The following IER5L variants were observed in gnomAD, a reference collection of about 807,000 sequenced individuals.
The protein encoded by IER5L is immediate early response gene 5-like protein.
A neutral mutation model predicts 28.3 loss-of-function variants in IER5L; 6 were observed. The observed-to-expected ratio is 0.21, with a 90% confidence interval of 0.12 to 0.42. The LOEUF (loss-of-function observed/expected upper bound fraction) is 0.42. Among genes scored for constraint, IER5L ranks in the 10% least tolerant of loss-of-function variants. The probability of loss-of-function intolerance (pLI) is 1.00; values close to 1 mark genes in which losing one functional copy is unlikely to be tolerated. For missense variants in IER5L, 607 were observed against 575.2 expected (o/e 1.06, Z -0.56); for synonymous variants, 351 against 282.5 (o/e 1.24, Z -2.43).
chr9:129,177,855 C>CTGCTGCTGT lies in IER5L; in HGVS notation c.189_197dup (p.Gln64_Gln66dup), dbSNP rs1829438801. On this transcript the variant is annotated inframe_insertion, in exon 1 of 1. Coordinates refer to ENST00000372491, the MANE Select transcript of IER5L (RefSeq NM_203434.3). ...GGTGCTGGTGCTGGTGGTGGGGCGGCTGCTGCTGTTGCTGCTGCTGCTGGC... is the reference window on the plus strand; with the variant it reads ...GGTGCTGGTGCTGGTGGTGGGGCGGCTGCTGCTGTTGCTGCTGTTGCTGCTGCTGCTGGC... 5 of 1,540,538 alleles carry CTGCTGCTGT rather than the reference C, an allele frequency of 3.2e-6. No individual in the cohort carries two copies. The highest frequency in any genetic ancestry group is 5.0e-5 in the East Asian group (2 of 39,644).
At position 129,178,174 on chromosome 9, in the gene IER5L, G is replaced by T; in HGVS notation, c.-122C>A. The T allele has an allele frequency of 1.2e-6, 1 of 821,528 alleles. No individual in the cohort carries two copies. The highest frequency in any genetic ancestry group is 1.7e-6 in the Non-Finnish European group (1 of 599,382). 50.9% of individuals were successfully genotyped at this position (821,528 alleles called of 1,614,324 possible). A position where few individuals can be genotyped will look rare whatever the true frequency, so the allele number is the denominator to read the frequency against. The stretch of plus-strand genomic sequence containing the variant: ...AGGGGTAACGGAGTCCGGGTCAGAG[G>T]TTCGGCTGCGCTCCGAAAGGAGCCG... On this transcript the variant is annotated 5_prime_UTR_variant, in exon 1 of 1. Coordinates refer to ENST00000372491, the MANE Select transcript of IER5L (RefSeq NM_203434.3).
At position 129,177,543 on chromosome 9, in the gene IER5L, G is replaced by C. The variant is rs1829431486; in HGVS notation, c.510C>G (p.His170Gln). 1.0e-6 allele frequency: 1 copy of C among 982,402 alleles called. No individual in the cohort carries two copies. The highest frequency in any genetic ancestry group is 1.2e-6 in the Non-Finnish European group (1 of 829,358). 60.9% of individuals were successfully genotyped at this position (982,402 alleles called of 1,614,324 possible). Residue 170 changes from histidine (H) to glutamine (Q), a missense_variant, in exon 1 of 1, where the codon CAC becomes CAG. Physicochemically the swap from His to Gln is conservative, Grantham distance 24. Transcript: ENST00000372491. ...GCAGAGGCTCCAAGGGCTGCCCGCG[G>C]TGGGGCGCGCCGTGCGGCGGCTGGA... ...AALQPPHGAP[H>Q]RGQPLEPLQP...
chr9:129,177,988 C>A lies in IER5L; in HGVS notation c.65G>T (p.Arg22Leu). The change falls in exon 1 of 1, where the codon CGA becomes CTA. Residue 22 changes from arginine to leucine, a missense_variant. Transcript: ENST00000372491. ...CAGCTTGATGCCGCCGCGCTGGGTT[C>A]GGGAGCTGTGGATCTTGCGCAGGGA... is the stretch of plus-strand genomic sequence containing the variant. ...SISLRKIHSS[R>L]TQRGGIKLHK... is the part of the protein sequence containing the mutation. 6.3e-7 allele frequency: 1 copy of A among 1,576,586 alleles called. No individual in the cohort carries two copies. The highest frequency in any genetic ancestry group is 8.6e-7 in the Non-Finnish European group (1 of 1,163,836).
rs1406445707 is a variant in IER5L at position 129,177,505 on chromosome 9, G to A, written c.548C>T (p.Ala183Val). Residue 183 changes from alanine (A) to valine (V), a missense_variant, in exon 1 of 1, where the codon GCG (alanine) becomes GTG (valine). Physicochemically the swap from Ala to Val is moderately conservative, Grantham distance 64 (BLOSUM62 0). Transcript: ENST00000372491. Reference protein sequence around the residue: ...QPLEPLQPGPAPLPLPLPPPA... With the variant: ...QPLEPLQPGPVPLPLPLPPPA... ...CGGCGGCAGCGGCAGCGGCAGCGGC[G>A]CAGGACCCGGCTGCAGAGGCTCCAA... 2 of 987,698 alleles carry A rather than the reference G, an allele frequency of 2.0e-6. No homozygotes were observed. The highest frequency in any genetic ancestry group is 1.1e-4 in the East Asian group (1 of 9,096). 61.2% of individuals were successfully genotyped at this position (987,698 alleles called of 1,614,324 possible). A position where few individuals can be genotyped will look rare whatever the true frequency, so the allele number is the denominator to read the frequency against.
Position 129,177,080 on chromosome 9 carries a change from G to T in IER5L, c.973C>A (p.Pro325Thr), listed in dbSNP as rs768868710. 1.7e-5 allele frequency: 25 copies of T among 1,475,770 alleles called. No homozygotes were observed. In the East Asian group the frequency reaches 6.8e-4, roughly 40 times the overall value. 91.4% of individuals were successfully genotyped at this position (1,475,770 alleles called of 1,614,324 possible). ...EEDAGGLGAE[P>T]PGGAPFAPCK... ...GGGGCGAACGGGGCGCCCCCGGGGG[G>T]CTCGGCCCCCAGCCCGCCCGCATCC... The change falls in exon 1 of 1, where the codon CCC becomes ACC. Residue 325 changes from proline (P) to threonine (T), a missense_variant. Physicochemically the swap from Pro to Thr is conservative, Grantham distance 38 (BLOSUM62 -1). Transcript: ENST00000372491.
Position 129,178,204 on chromosome 9 carries a change from CA to C in IER5L, c.-153del, listed in dbSNP as rs1173026637. On this transcript the variant is annotated 5_prime_UTR_variant, in exon 1 of 1. The change abolishes an upstream ATG in the 5' untranslated region. Transcript: ENST00000372491. The stretch of plus-strand genomic sequence containing the variant: ...GCTGCGCTCCGAAAGGAGCCGCCAC[CA>C]TGCGCCGCGCGCCACCCGCGGGCTC... 1.7e-6 allele frequency: 1 copy of C among 592,854 alleles called. No homozygotes were observed. 36.7% of individuals were successfully genotyped at this position (592,854 alleles called of 1,614,324 possible). A position where few individuals can be genotyped will look rare whatever the true frequency, so the allele number is the denominator to read the frequency against.
chr9:129,177,124 T>TC lies in IER5L; in HGVS notation c.928dup (p.Glu310GlyfsTer133). 1 of 1,464,350 alleles carries TC rather than the reference T, an allele frequency of 6.8e-7. No individual in the cohort carries two copies. The highest frequency in any genetic ancestry group is 9.0e-7 in the Non-Finnish European group (1 of 1,110,158). The allele number at this position is 1,464,350 out of a possible 1,614,324, so 90.7% of individuals were successfully genotyped here. The stretch of plus-strand genomic sequence containing the variant: ...CGCATCCTCCTCGTCGTCTTCCTCC[T>TC]CCTCCTGGCCAGGGTAATACTTGCG... On this transcript the variant is annotated frameshift_variant, in exon 1 of 1. Transcript: ENST00000372491. LOFTEE classifies it high-confidence loss of function.
chr9:129,176,966 C>A lies in IER5L; in HGVS notation c.1087G>T (p.Gly363Cys). 6.2e-7 allele frequency: 1 copy of A among 1,603,522 alleles called. No individual in the cohort carries two copies. The highest frequency in any genetic ancestry group is 8.5e-7 in the Non-Finnish European group (1 of 1,176,378). Reference sequence around the variant, plus strand: ...TGTCGGCTCACCAGCCCCGAGAAGCCGGAGCCAAAGATGGAGATCAAGTTT... The same window carrying A: ...TGTCGGCTCACCAGCCCCGAGAAGCAGGAGCCAAAGATGGAGATCAAGTTT... ...ISNLISIFGS[G>C]FSGLVSRQPD... Residue 363 changes from glycine to cysteine, a missense_variant, in exon 1 of 1, where the codon GGC (glycine) becomes TGC (cysteine). Gly to Cys is a radical substitution (Grantham distance 159). Coordinates refer to ENST00000372491, the MANE Select transcript of IER5L (RefSeq NM_203434.3).
rs777766543 is a variant in IER5L at position 129,177,226 on chromosome 9, C to A, written c.827G>T (p.Cys276Phe). Residue 276 changes from cysteine to phenylalanine, a missense_variant, in exon 1 of 1, where the codon TGC becomes TTC. Physicochemically the swap from Cys to Phe is radical, Grantham distance 205. Coordinates refer to ENST00000372491, the MANE Select transcript of IER5L (RefSeq NM_203434.3). ...TVENGYLHQD[C>F]CASAHCPCCG... ...GCAGGGGCAGTGGGCGGAGGCGCAG[C>A]AGTCCTGGTGCAAGTAGCCGTTCTC... The A allele has an allele frequency of 6.8e-7, 1 of 1,471,058 alleles. No individual in the cohort carries two copies. The highest frequency in any genetic ancestry group is 8.9e-7 in the Non-Finnish European group (1 of 1,120,780). 91.1% of individuals were successfully genotyped at this position (1,471,058 alleles called of 1,614,324 possible).
In IER5L at chr9:129,176,408, A is replaced by G. The variant is rs897484432; in HGVS notation, c.*430T>C. On this transcript the variant is annotated 3_prime_UTR_variant, in exon 1 of 1. Transcript: ENST00000372491. ...AACGTCGGGCTTCCCGGGTCTGACA[A>G]CTGATTGGAATCGGCTTCCCAGGTC... 1 of 152,102 alleles carries G rather than the reference A, an allele frequency of 6.6e-6. No homozygotes were observed. The highest frequency in any genetic ancestry group is 2.1e-4 in the South Asian group (1 of 4,836). 9.4% of individuals were successfully genotyped at this position (152,102 alleles called of 1,614,324 possible). A position where few individuals can be genotyped will look rare whatever the true frequency, so the allele number is the denominator to read the frequency against.
chr9:129,176,421 G>T lies in IER5L; in HGVS notation c.*417C>A, dbSNP rs1829397963. 1 of 152,406 alleles carries T rather than the reference G, an allele frequency of 6.6e-6. No individual in the cohort carries two copies. Among genetic ancestry groups the T allele is most frequent in the Admixed American group, 6.5e-5 (1 of 15,280 alleles). The allele number at this position is 152,406 out of a possible 1,614,324, so 9.4% of individuals were successfully genotyped here. ...CCGGGTCTGACAACTGATTGGAATC[G>T]GCTTCCCAGGTCCGGCGCCCTCCTG... is the stretch of plus-strand genomic sequence containing the variant. On this transcript the variant is annotated 3_prime_UTR_variant, in exon 1 of 1. Transcript: ENST00000372491.
rs1340298623 is a variant in IER5L at position 129,176,656 on chromosome 9, G to T, written c.*182C>A. On this transcript the variant is annotated 3_prime_UTR_variant, in exon 1 of 1. Coordinates refer to ENST00000372491, the MANE Select transcript of IER5L (RefSeq NM_203434.3). ...TTCTCTCTGCAAAAATAAAGTCCAA[G>T]ATTTTAGATTTCTTTTTTTTTTATT... 9 of 860,398 alleles carry T rather than the reference G, an allele frequency of 1.0e-5. No individual in the cohort carries two copies. The highest frequency in any genetic ancestry group is 3.3e-5 in the East Asian group (1 of 29,994). The allele number at this position is 860,398 out of a possible 1,614,324, so 53.3% of individuals were successfully genotyped here.
At position 129,178,240 on chromosome 9, in the gene IER5L, A is replaced by T; in HGVS notation, c.-188T>A. 1 of 457,064 alleles carries T rather than the reference A, an allele frequency of 2.2e-6. No homozygotes were observed. 28.3% of individuals were successfully genotyped at this position (457,064 alleles called of 1,614,324 possible). ...CGCCACCCGCGGGCTCGCGCTCCCC[A>T]GACGGCGCCAAAGCAATGAGTCTCG... On this transcript the variant is annotated 5_prime_UTR_variant, in exon 1 of 1. Transcript: ENST00000372491.
Position 129,176,910 on chromosome 9 carries a change from G to C in IER5L, c.1143C>G (p.Leu381=), listed in dbSNP as rs1294551274. 1 of 1,604,914 alleles carries C rather than the reference G, an allele frequency of 6.2e-7. No individual in the cohort carries two copies. The highest frequency in any genetic ancestry group is 8.5e-7 in the Non-Finnish European group (1 of 1,176,898). Residue 381 remains leucine (L), a synonymous_variant, in exon 1 of 1, where the codon CTC becomes CTG. Transcript: ENST00000372491. ...QPDSSEQPPP[L]NGQLCAKQAL... ...CCTGCTTGGCGCACAGCTGCCCGTT[G>C]AGCGGCGGCGGCTGCTCCGAGGAGT...
In IER5L at chr9:129,176,790, C is replaced by G; in HGVS notation, c.*48G>C. 4 of 1,450,678 alleles carry G rather than the reference C, an allele frequency of 2.8e-6. No homozygotes were observed. Among genetic ancestry groups the G allele is most frequent in the Non-Finnish European group, 3.6e-6 (4 of 1,105,128 alleles). The allele number at this position is 1,450,678 out of a possible 1,614,324, so 89.9% of individuals were successfully genotyped here. On this transcript the variant is annotated 3_prime_UTR_variant, in exon 1 of 1. Transcript: ENST00000372491. ...TCTCGCCCCTTTGCCGAGTCTTTGTCTGGCCCCAGCCCCGCGGGGCCCCGG... is the reference window on the plus strand; with the variant it reads ...TCTCGCCCCTTTGCCGAGTCTTTGTGTGGCCCCAGCCCCGCGGGGCCCCGG...
Position 129,178,224 on chromosome 9 carries a change from CG to C in IER5L, c.-173del, listed in dbSNP as rs1237656326. The C allele has an allele frequency of 1.0e-5, 5 of 495,198 alleles. No homozygotes were observed. Among genetic ancestry groups the C allele is most frequent in the African/African-American group, 2.0e-5 (1 of 49,616 alleles). The allele number at this position is 495,198 out of a possible 1,614,324, so 30.7% of individuals were successfully genotyped here. A position where few individuals can be genotyped will look rare whatever the true frequency, so the allele number is the denominator to read the frequency against. ...GCCACCATGCGCCGCGCGCCACCCG[CG>C]GGCTCGCGCTCCCCAGACGGCGCCA... On this transcript the variant is annotated 5_prime_UTR_variant, in exon 1 of 1. Coordinates refer to ENST00000372491, the MANE Select transcript of IER5L (RefSeq NM_203434.3).
chr9:129,176,604 C>G lies in IER5L; in HGVS notation c.*234G>C, dbSNP rs1829400980. 1 of 460,464 alleles carries G rather than the reference C, an allele frequency of 2.2e-6. No individual in the cohort carries two copies. The highest frequency in any genetic ancestry group is 3.6e-6 in the Non-Finnish European group (1 of 280,626). 28.5% of individuals were successfully genotyped at this position (460,464 alleles called of 1,614,324 possible). A position where few individuals can be genotyped will look rare whatever the true frequency, so the allele number is the denominator to read the frequency against. ...AAAAGAAAAAAAGGAGTAGGAGAAA[C>G]ACAAAGCATACTTAAATAGGCGCTT... On this transcript the variant is annotated 3_prime_UTR_variant, in exon 1 of 1. Coordinates refer to ENST00000372491, the MANE Select transcript of IER5L (RefSeq NM_203434.3).
At position 129,176,927 on chromosome 9, in the gene IER5L, C is replaced by G; in HGVS notation, c.1126G>C (p.Glu376Gln). Residue 376 changes from glutamate (E) to glutamine (Q), a missense_variant, in exon 1 of 1, where the codon GAG becomes CAG. Physicochemically the swap from Glu to Gln is conservative, Grantham distance 29. Transcript: ENST00000372491. ...TGCCCGTTGAGCGGCGGCGGCTGCTCCGAGGAGTCCGGCTGTCGGCTCACC... is the reference window on the plus strand; with the variant it reads ...TGCCCGTTGAGCGGCGGCGGCTGCTGCGAGGAGTCCGGCTGTCGGCTCACC... ...GLVSRQPDSS[E>Q]QPPPLNGQLC... The G allele has an allele frequency of 1.2e-6, 2 of 1,604,326 alleles. No individual in the cohort carries two copies. The highest frequency in any genetic ancestry group is 1.1e-5 in the South Asian group (1 of 90,098).
rs1008014414 is a variant in IER5L, at chr9:129,177,097, C to T, written c.956G>A (p.Gly319Asp). The stretch of plus-strand genomic sequence containing the variant: ...CCCGGGGGGCTCGGCCCCCAGCCCG[C>T]CCGCATCCTCCTCGTCGTCTTCCTC... ...EEEEDDEEDA[G>D]GLGAEPPGGA... The change falls in exon 1 of 1, where the codon GGC becomes GAC. Residue 319 changes from glycine (G) to aspartate (D), a missense_variant. Physicochemically the swap from Gly to Asp is moderately conservative, Grantham distance 94. Transcript: ENST00000372491. 23 of 1,459,204 alleles carry T rather than the reference C, an allele frequency of 1.6e-5. No individual in the cohort carries two copies. The highest frequency in any genetic ancestry group is 2.0e-5 in the Non-Finnish European group (22 of 1,107,542). The allele number at this position is 1,459,204 out of a possible 1,614,324, so 90.4% of individuals were successfully genotyped here.
Sources: allele counts gnomAD v4.1 joint callset, GRCh38; gene constraint gnomAD v4.1.1; transcripts MANE v1.5; gene names NCBI Gene and HGNC (gene_info 2026-07-23, HGNC 2026-07-21).